The following NTRK2 variants were observed in gnomAD, a reference collection of about 807,000 sequenced individuals.
The protein encoded by NTRK2 is BDNF/NT-3 growth factors receptor.
NTRK2 carries 13 observed loss-of-function variants against 94.5 expected under a neutral mutation model. That is an observed-to-expected ratio of 0.14 (90% CI 0.09 to 0.22). NTRK2 has a LOEUF of 0.22. NTRK2 is among the 10% of genes least tolerant of loss of function. The probability of loss-of-function intolerance (pLI) is 1.00; values close to 1 mark genes in which losing one functional copy is unlikely to be tolerated. For synonymous variants in NTRK2, 372 were observed against 407.4 expected (o/e 0.91, Z 1.05); for missense variants, 639 against 1,071.2 (o/e 0.60, Z 5.63).
chr9:84,898,405 T>C (rs1425875946), intron 14 of NTRK2, among the ~76,000 whole-genome samples: 2 of 152,244 alleles, frequency 1.3e-5, no homozygotes, highest in African/African-American at 4.8e-5. Flanking sequence ...TCTTACTATG[T>C]ACATACTCAG....
intron 16 of NTRK2, among the ~76,000 whole-genome samples, chr9:84,951,283 A>T (rs745393660): frequency 8.5e-5 from 13 of 152,092 alleles, no homozygotes; most frequent in Non-Finnish European, 1.8e-4. Flanking sequence ...CGTCAGCAAA[A>T]TTTTTCTTGT....
chr9:84,783,560 A>G (rs142295071), intron 12 of NTRK2, among the ~76,000 whole-genome samples: 22 of 152,176 alleles, frequency 1.4e-4, no homozygotes, highest in African/African-American at 5.3e-4. Flanking sequence ...AAGTCAGTGG[A>G]TACTTTAAAT....
chr9:84,920,426 G>A (rs2077525972), intron 14 of NTRK2, among the ~76,000 whole-genome samples: 1 of 152,070 alleles, frequency 6.6e-6, no homozygotes, highest in South Asian at 2.1e-4. Flanking sequence ...AGGCTATCTG[G>A]TATGCTTCCA....
At chr9:84,785,725 A>G (rs2068053379) in intron 12 of NTRK2, among the ~76,000 whole-genome samples, 1 of 152,162 alleles carries the variant, frequency 6.6e-6, no homozygotes, top group Non-Finnish European at 1.5e-5. Flanking sequence ...TGTGTACTGC[A>G]CCTTATTTCT....
At chr9:84,961,689 A>G (rs1588055798) in intron 17 of NTRK2, among the ~76,000 whole-genome samples, 1 of 152,344 alleles carries the variant, frequency 6.6e-6, no homozygotes, top group Middle Eastern at 3.4e-3. Context: ...AAGCATCTAG[A>G]CTTTTTAAAG....
In NTRK2 at chr9:84,743,315, A is replaced by T. The variant is rs2063802040; in HGVS notation, c.1195+1388A>T. 8.5e-5 allele frequency among the ~76,000 whole-genome samples: 13 copies of T among 152,262 alleles called. No individual in the cohort carries two copies. In the South Asian group the frequency reaches 2.7e-3, roughly 32 times the overall value. ...ATTACATTTATATATTTTCTGTAAA[A>T]TATTCTGTTCCTTAATTTTATATTT... On this transcript the variant is annotated intron_variant, in intron 10 of 18. Transcript: ENST00000277120.
Position 84,948,639 on chromosome 9 carries a change from A to G in NTRK2, c.1937+5A>G, listed in dbSNP as rs1564492638. On this transcript the variant is annotated splice_donor_5th_base_variant and intron_variant, in intron 16 of 18. Transcript: ENST00000277120. Reference sequence around the variant, plus strand: ...GGACCTCAACAAGTTCCTCAGGTACAGTGAGGCGGGGAGGTGGGCTCCAGG... The same window carrying G: ...GGACCTCAACAAGTTCCTCAGGTACGGTGAGGCGGGGAGGTGGGCTCCAGG... 6.2e-7 allele frequency: 1 copy of G among 1,613,944 alleles called. No individual in the cohort carries two copies.
At chr9:84,736,680 TA>T (rs1234401853) in intron 9 of NTRK2, among the ~76,000 whole-genome samples, 1 of 152,234 alleles carries the variant, frequency 6.6e-6, no homozygotes, top group Non-Finnish European at 1.5e-5. Flanking sequence ...GATTTATACT[TA>T]AATAGCTTCT....
intron 14 of NTRK2, among the ~76,000 whole-genome samples, chr9:84,896,401 A>G (rs776569737): frequency 1.1e-4 from 17 of 152,312 alleles, no homozygotes; most frequent in Middle Eastern, 6.8e-3. Flanking sequence ...GCCTGCACAT[A>G]CAATGAGGGA....
chr9:85,014,209 G>A (rs116986168), intron 17 of NTRK2, among the ~76,000 whole-genome samples: 2,814 of 152,282 alleles, frequency 0.018, 52 homozygotes, highest in Non-Finnish European at 0.025. Context: ...GGGAGGGGCA[G>A]TATGGAGACG....
intron 12 of NTRK2, among the ~76,000 whole-genome samples, chr9:84,780,618 T>C (rs1309015722): frequency 6.6e-6 from 1 of 152,178 alleles, no homozygotes; most frequent in African/African-American, 2.4e-5. Flanking sequence ...TGCGCAACTT[T>C]ACCTTAAGAG....
intron 12 of NTRK2, among the ~76,000 whole-genome samples, chr9:84,850,584 C>T (rs997066378): frequency 2.6e-5 from 4 of 152,280 alleles, no homozygotes; most frequent in Admixed American, 1.3e-4. Context: ...CTCACATGAC[C>T]TCAAGACGGT....
At position 84,836,984 on chromosome 9, in the gene NTRK2, A is replaced by G. The variant is rs2073916310; in HGVS notation, c.1397-24056A>G. Among the ~76,000 whole-genome samples, 7 of 148,144 alleles carry G rather than the reference A, an allele frequency of 4.7e-5. No homozygotes were observed. In the South Asian group the frequency reaches 1.5e-3, roughly 31 times the overall value. On this transcript the variant is annotated intron_variant, in intron 12 of 18. Coordinates refer to ENST00000277120, the MANE Select transcript of NTRK2 (RefSeq NM_006180.6). ...ATATAATATAATATAATATAATATA[A>G]TAATACTGGAATATACTATAACAGA...
intron 12 of NTRK2, among the ~76,000 whole-genome samples, chr9:84,821,285 C>T (rs543579024): frequency 2.5e-4 from 38 of 149,756 alleles, no homozygotes; most frequent in East Asian, 5.9e-4. Flanking sequence ...TGTGTGTGTG[C>T]GAGAGAGAGA....
At position 84,845,250 on chromosome 9, in the gene NTRK2, T is replaced by TATACACACAC. The variant is rs374265197; in HGVS notation, c.1397-15789_1397-15788insTACACACACA. Among the ~76,000 whole-genome samples, 339 of 148,004 alleles carry TATACACACAC rather than the reference T, an allele frequency of 2.3e-3. 3 individuals are homozygous for TATACACACAC. The highest frequency in any genetic ancestry group is 7.8e-3 in the African/African-American group (311 of 39,958). ...AGTGGATAAAGAAAAATGTGGTGTATACACACACACACACACACACACACA... is the reference window on the plus strand; with the variant it reads ...AGTGGATAAAGAAAAATGTGGTGTATATACACACACACACACACACACACACACACACACA... On this transcript the variant is annotated intron_variant, in intron 12 of 18. Coordinates refer to ENST00000277120, the MANE Select transcript of NTRK2 (RefSeq NM_006180.6).
intron 12 of NTRK2, among the ~76,000 whole-genome samples, chr9:84,829,514 G>A (rs543370181): frequency 2.6e-5 from 4 of 152,268 alleles, no homozygotes; most frequent in Middle Eastern, 3.4e-3. Flanking sequence ...TTCTCTAAAC[G>A]AAATAGCCAA....
At chr9:84,822,792 C>A (rs1023376954) in intron 12 of NTRK2, among the ~76,000 whole-genome samples, 2 of 152,172 alleles carry the variant, frequency 1.3e-5, no homozygotes, top group Non-Finnish European at 2.9e-5. Context: ...GGAGCTTGGC[C>A]TCTGTGCAAA....
At chr9:84,782,259 A>G (rs1295584119) in intron 12 of NTRK2, among the ~76,000 whole-genome samples, 1 of 152,202 alleles carries the variant, frequency 6.6e-6, no homozygotes, top group Non-Finnish European at 1.5e-5. Context: ...AGAAAGCTTT[A>G]TTTTGGAAAT....
chr9:84,821,343 ACACC>A (rs1433120705), intron 12 of NTRK2, among the ~76,000 whole-genome samples: 10 of 102,010 alleles, frequency 9.8e-5, no homozygotes, highest in Non-Finnish European at 1.6e-4. Flanking sequence ...ACACACACAC[ACACC>A]CCTATGGAAT....
Sources: allele counts gnomAD v4.1 joint callset (sites outside exome capture counted in the v4.1 genomes callset), GRCh38; gene constraint gnomAD v4.1.1; transcripts MANE v1.5; gene names NCBI Gene and HGNC (gene_info 2026-07-23, HGNC 2026-07-21).